PHLDB3: variants seen among roughly 807,000 people sequenced by gnomAD.
PHLDB3 encodes pleckstrin homology-like domain family B member 3.
In PHLDB3, 86 loss-of-function variants were observed where a neutral mutation model predicts 85.7. That is an observed-to-expected ratio of 1.00 (90% CI 0.84 to 1.20). The LOEUF (loss-of-function observed/expected upper bound fraction) is 1.20, where lower values mean the gene tolerates loss of function less well. Among genes scored for constraint, PHLDB3 ranks in the 50% most tolerant of loss-of-function variants. The probability of loss-of-function intolerance (pLI) is 0.00; values close to 1 mark genes in which losing one functional copy is unlikely to be tolerated. For synonymous variants in PHLDB3, 376 were observed against 349.8 expected, an observed-to-expected ratio of 1.07 and a Z score of -0.83; for missense variants, 995 against 873.0, an observed-to-expected ratio of 1.14 and a Z score of -1.76.
chr19:43,487,184 G>T, intron 9 of PHLDB3, 61 bp from the exon 10 acceptor site: 1 of 1,406,566 alleles, frequency 7.1e-7, no homozygotes, highest in Non-Finnish European at 9.8e-7. Flanking sequence ...CTAAGTCAGA[G>T]CACTGCCCAG....
At chr19:43,483,328 T>C (rs968005019) in intron 13 of PHLDB3, among the ~76,000 whole-genome samples, 1 of 151,682 alleles carries the variant, frequency 6.6e-6, no homozygotes, top group African/African-American at 2.4e-5. Context: ...GAAGCTGGAG[T>C]GCAGTGGGGC....
At chr19:43,495,743 T>C in intron 6 of PHLDB3, 123 bp from the exon 7 acceptor site, 1 of 1,381,442 alleles carries the variant, frequency 7.2e-7, no homozygotes, top group Non-Finnish European at 9.6e-7. Flanking sequence ...GGGATCGGAG[T>C]GTCCAGGGCT....
At chr19:43,487,155 A>G in intron 9 of PHLDB3, 32 bp from the exon 10 acceptor site, 1 of 1,541,026 alleles carries the variant, frequency 6.5e-7, no homozygotes, top group Admixed American at 2.0e-5. Flanking sequence ...GAGCATAGGA[A>G]AAAGGCTTGA....
intron 14 of PHLDB3, 85 bp downstream of exon 14, chr19:43,479,292 C>T (rs1333097741): frequency 1.5e-6 from 2 of 1,366,614 alleles, no homozygotes; most frequent in Non-Finnish European, 2.0e-6. Context: ...AAAGTGGGGG[C>T]CAGGACTTCT....
chr19:43,493,629 C>CA (rs964629803), intron 9 of PHLDB3, among the ~76,000 whole-genome samples: 2,725 of 136,618 alleles, frequency 0.02, 82 homozygotes, highest in African/African-American at 0.068. Flanking sequence ...GAGACTCTGT[C>CA]AAAAAAAAAA....
In PHLDB3 at chr19:43,502,220, C is replaced by CT; in HGVS notation, c.276dup (p.Gly93ArgfsTer51). 1.3e-6 allele frequency: 2 copies of CT among 1,564,356 alleles called. No individual in the cohort carries two copies. The highest frequency in any genetic ancestry group is 1.7e-6 in the Non-Finnish European group (2 of 1,155,452). On this transcript the variant is annotated frameshift_variant, in exon 3 of 16. Coordinates refer to ENST00000292140, the MANE Select transcript of PHLDB3 (RefSeq NM_198850.4). LOFTEE classifies it high-confidence loss of function. ...AGGCGCCGCGCCGCCCCTCGCACCC[C>CT]TTCCCGCGAAGAGGTGGATGCGGGA... is the stretch of plus-strand genomic sequence containing the variant.
chr19:43,478,266 C>T, intron 14 of PHLDB3, 134 bp from the exon 15 acceptor site: 1 of 623,164 alleles, frequency 1.6e-6, no homozygotes, highest in Non-Finnish European at 2.8e-6. Flanking sequence ...CTGAAGGTCT[C>T]TAAAGGTTGG....
chr19:43,479,294 A>T, intron 14 of PHLDB3, 83 bp downstream of exon 14: 1 of 1,383,268 alleles, frequency 7.2e-7, no homozygotes, highest in Non-Finnish European at 1.0e-6. Context: ...AGTGGGGGCC[A>T]GGACTTCTGG....
chr19:43,482,213 G>A (rs1204270752), intron 13 of PHLDB3, among the ~76,000 whole-genome samples: 1 of 152,208 alleles, frequency 6.6e-6, no homozygotes. Context: ...GGAGACCAGG[G>A]ATGGGCTTGG....
intron 6 of PHLDB3, 120 bp downstream of exon 6, chr19:43,496,998 G>A: frequency 7.8e-7 from 1 of 1,277,572 alleles, no homozygotes; most frequent in Non-Finnish European, 1.0e-6. Flanking sequence ...ATCAGCTCTT[G>A]TTGTTACTAT....
At chr19:43,503,747 G>A (rs988179925) in intron 2 of PHLDB3, among the ~76,000 whole-genome samples, 159 bp downstream of exon 2, 4 of 152,138 alleles carry the variant, frequency 2.6e-5, no homozygotes, top group African/African-American at 9.6e-5. Context: ...CCGTGTCCTG[G>A]TGTATCTCTC....
intron 15 of PHLDB3, among the ~76,000 whole-genome samples, chr19:43,477,103 CAGA>C (rs1970943059): frequency 6.6e-6 from 1 of 152,212 alleles, no homozygotes; most frequent in Non-Finnish European, 1.5e-5. Flanking sequence ...CGACGCCTGG[CAGA>C]TCATCTCCTT....
At chr19:43,482,164 C>T (rs2145900139) in intron 13 of PHLDB3, among the ~76,000 whole-genome samples, 1 of 152,288 alleles carries the variant, frequency 6.6e-6, no homozygotes, top group African/African-American at 2.4e-5. Flanking sequence ...TCCAAGGTCA[C>T]CAAACTAGGA....
chr19:43,503,141 C>T (rs1414748681), intron 2 of PHLDB3, among the ~76,000 whole-genome samples: 29 of 152,164 alleles, frequency 1.9e-4, no homozygotes, highest in Non-Finnish European at 1.6e-4. Context: ...TGACTCTAGT[C>T]TCACTGTGTC....
At chr19:43,482,583 G>A (rs1481743988) in intron 13 of PHLDB3, among the ~76,000 whole-genome samples, 1 of 152,192 alleles carries the variant, frequency 6.6e-6, no homozygotes, top group East Asian at 1.9e-4. Flanking sequence ...CTGTCACCCA[G>A]GCTGGAGAGC....
chr19:43,504,494 A>T, intron 1 of PHLDB3, 95 bp downstream of exon 1: 1 of 273,300 alleles, frequency 3.7e-6, no homozygotes, highest in Non-Finnish European at 6.9e-6. Flanking sequence ...TCCCTCCGAG[A>T]CTCAGCAGTT....
At chr19:43,503,070 T>A (rs1971656099) in intron 2 of PHLDB3, among the ~76,000 whole-genome samples, 1 of 152,168 alleles carries the variant, frequency 6.6e-6, no homozygotes, top group Non-Finnish European at 1.5e-5. Flanking sequence ...TGTCTATTTG[T>A]TTCTCTGAGC....
Position 43,483,318 on chromosome 19 carries a change from G to T in PHLDB3, c.1485+2948C>A, listed in dbSNP as rs1971086257. ...TGAGGCAGGGTCTCACTCTGTCACT[G>T]AAGCTGGAGTGCAGTGGGGCGATTA... On this transcript the variant is annotated intron_variant, in intron 13 of 15. Coordinates refer to ENST00000292140, the MANE Select transcript of PHLDB3 (RefSeq NM_198850.4). Among the ~76,000 whole-genome samples the T allele has an allele frequency of 2.0e-5, 3 of 150,778 alleles. No individual in the cohort carries two copies. The Admixed American group carries it at 2.0e-4, about 10-fold the overall frequency.
At chr19:43,476,445 G>A (rs1599929075) in intron 15 of PHLDB3, among the ~76,000 whole-genome samples, 2 of 152,080 alleles carry the variant, frequency 1.3e-5, no homozygotes, top group Admixed American at 1.3e-4. Context: ...AGGAGTTCAA[G>A]ACCAGCCTGG....
Sources: allele counts gnomAD v4.1 joint callset (sites outside exome capture counted in the v4.1 genomes callset), GRCh38; gene constraint gnomAD v4.1.1; transcripts MANE v1.5; gene names NCBI Gene and HGNC (gene_info 2026-07-23, HGNC 2026-07-21).